SPATA13: variants seen among roughly 807,000 people sequenced by gnomAD.
The protein encoded by SPATA13 is spermatogenesis-associated protein 13.
In SPATA13, 50 loss-of-function variants were observed where a neutral mutation model predicts 104.0. The observed-to-expected ratio is 0.48, with a 90% CI of 0.38 to 0.61. The LOEUF (loss-of-function observed/expected upper bound fraction) is 0.61. Ranked by LOEUF, SPATA13 falls within the 20% of genes least tolerant of loss-of-function variation. SPATA13 has a pLI of 0.00. For missense variants in SPATA13, 1,524 were observed against 1,690.6 expected (o/e 0.90, Z 1.73); for synonymous variants, 606 against 667.5 (o/e 0.91, Z 1.42).
At chr13:24,032,459 A>G (rs1877518047) in intron 3 of SPATA13, among the ~76,000 whole-genome samples, 1 of 152,238 alleles carries the variant, frequency 6.6e-6, no homozygotes, top group African/African-American at 2.4e-5. Flanking sequence ...CATTAGGAAT[A>G]AATGGAATGT....
At chr13:24,152,614 C>T (rs2138472439) in intron 3 of SPATA13, among the ~76,000 whole-genome samples, 1 of 152,324 alleles carries the variant, frequency 6.6e-6, no homozygotes, top group South Asian at 2.1e-4. Context: ...TCTGTGTGAC[C>T]AGTGCTTTCA....
chr13:24,230,523 G>A (rs566127258), intron 2 of SPATA13, among the ~76,000 whole-genome samples: 1 of 152,294 alleles, frequency 6.6e-6, no homozygotes, highest in South Asian at 2.1e-4. Context: ...AGAACAGGAG[G>A]CAGATGCCCA....
In SPATA13 at chr13:24,224,486, G is replaced by T; in HGVS notation, c.1557G>T (p.Gln519His). ...AQREPGPVSL[Q>H]DPLEATHGDE... ...GAGAGCCAGGGCCTGTGTCCTTGCA[G>T]GATCCCCTGGAAGCCACACATGGTG... is the stretch of plus-strand genomic sequence containing the variant. Residue 519 changes from glutamine (Q) to histidine (H), a missense_variant, in exon 2 of 13, where the codon CAG becomes CAT. Transcript: ENST00000382108. 1.3e-6 allele frequency: 2 copies of T among 1,550,720 alleles called. No homozygotes were observed. The highest frequency in any genetic ancestry group is 1.2e-5 in the South Asian group (1 of 84,060).
At position 24,223,806 on chromosome 13, in the gene SPATA13, TC is replaced by T; in HGVS notation, c.879del (p.Ser294ProfsTer19). ...ARVPQRTLSS[S>X]STDSQKLGSG... ...GGTACCACAGAGGACCCTGAGCAGT[TC>T]CTCCACTGACTCCCAAAAGCTTGGG... On this transcript the variant is annotated frameshift_variant, in exon 2 of 13. Transcript: ENST00000382108. LOFTEE classifies it high-confidence loss of function. 1 of 1,551,728 alleles carries T rather than the reference TC, an allele frequency of 6.4e-7. No individual in the cohort carries two copies. The highest frequency in any genetic ancestry group is 8.7e-7 in the Non-Finnish European group (1 of 1,146,984).
At chr13:23,988,680 A>T (rs1484430674) in intron 2 of SPATA13, among the ~76,000 whole-genome samples, 3 of 152,196 alleles carry the variant, frequency 2.0e-5, no homozygotes, top group Admixed American at 6.5e-5. Context: ...ATCTTTGCTC[A>T]TCTCATGATG....
At chr13:24,072,358 T>C (rs1879193586) in intron 3 of SPATA13, among the ~76,000 whole-genome samples, 4 of 152,200 alleles carry the variant, frequency 2.6e-5, no homozygotes, top group Admixed American at 2.6e-4. Flanking sequence ...TGCAGAAAGA[T>C]AAATGGGAAA....
chr13:24,116,691 A>G (rs946092366), intron 3 of SPATA13, among the ~76,000 whole-genome samples: 1 of 152,028 alleles, frequency 6.6e-6, no homozygotes, highest in African/African-American at 2.4e-5. Flanking sequence ...AGGTCCAATC[A>G]TCTCTGCAGC....
chr13:24,058,656 T>A (rs571508693), intron 3 of SPATA13, among the ~76,000 whole-genome samples: 1 of 151,974 alleles, frequency 6.6e-6, no homozygotes, highest in Non-Finnish European at 1.5e-5. Context: ...TTCAGATAAT[T>A]TATTAGTTGC....
chr13:24,108,797 C>A (rs920910481), intron 3 of SPATA13, among the ~76,000 whole-genome samples: 4 of 152,078 alleles, frequency 2.6e-5, no homozygotes, highest in African/African-American at 9.7e-5. Flanking sequence ...GAAAGATTGG[C>A]GCCCACGTTC....
At chr13:24,107,548 T>C (rs1442616397) in intron 3 of SPATA13, among the ~76,000 whole-genome samples, 2 of 152,234 alleles carry the variant, frequency 1.3e-5, no homozygotes, top group African/African-American at 2.4e-5. Flanking sequence ...TGGACATTCA[T>C]AGAGAAAAAT....
chr13:24,072,748 C>T (rs986453267), intron 3 of SPATA13, among the ~76,000 whole-genome samples: 1 of 151,952 alleles, frequency 6.6e-6, no homozygotes, highest in Non-Finnish European at 1.5e-5. Context: ...GCCCTTGGAG[C>T]CTCTCCTCCC....
intron 2 of SPATA13, among the ~76,000 whole-genome samples, chr13:24,230,219 C>G (rs1380408171): frequency 1.3e-5 from 2 of 152,206 alleles, no homozygotes; most frequent in East Asian, 3.8e-4. Context: ...TCATGTACCT[C>G]ACCACTCAAC....
intron 3 of SPATA13, among the ~76,000 whole-genome samples, chr13:24,120,748 A>G (rs1169885590): frequency 2.0e-5 from 3 of 152,250 alleles, no homozygotes; most frequent in Non-Finnish European, 4.4e-5. Flanking sequence ...TCCTCTTTAA[A>G]AAGTCCTTGC....
intron 1 of SPATA13, among the ~76,000 whole-genome samples, chr13:24,180,445 T>C (rs180904285): frequency 2.0e-5 from 3 of 152,350 alleles, no homozygotes; most frequent in Non-Finnish European, 4.4e-5. Context: ...CAAAATTTGT[T>C]TTCTTTTCAA....
chr13:24,290,623 G>C, intron 8 of SPATA13, 29 bp from the exon 9 acceptor site: 1 of 1,581,884 alleles, frequency 6.3e-7, no homozygotes. Context: ...CACCCCAGAA[G>C]CTGACGAAGC....
intron 1 of SPATA13, among the ~76,000 whole-genome samples, chr13:24,193,013 G>A (rs531466559): frequency 6.6e-6 from 1 of 152,320 alleles, no homozygotes; most frequent in East Asian, 1.9e-4. Flanking sequence ...TTTGAGAGAA[G>A]TTGAAAGTCA....
Position 24,290,678 on chromosome 13 carries a change from G to A in SPATA13, c.2874G>A (p.Glu958=), listed in dbSNP as rs1876282985. Residue 958 remains glutamate, a synonymous_variant, in exon 9 of 13, where the codon GAG becomes GAA. Coordinates refer to ENST00000382108, the MANE Select transcript of SPATA13 (RefSeq NM_001166271.3). ...AAGAGGGCTTTGCCATCTATTCCGA[G>A]TACTGCAACAACCACCCGGGCGCCT... ...QNQEGFAIYS[E]YCNNHPGACL... 4 of 1,614,200 alleles carry A rather than the reference G, an allele frequency of 2.5e-6. No individual in the cohort carries two copies. Among genetic ancestry groups the A allele is most frequent in the Non-Finnish European group, 3.4e-6 (4 of 1,180,046 alleles).
At chr13:24,301,030 C>G (rs551497274) in intron 12 of SPATA13, among the ~76,000 whole-genome samples, 2 of 152,290 alleles carry the variant, frequency 1.3e-5, no homozygotes, top group East Asian at 3.9e-4. Context: ...CCTGGGGAAG[C>G]TGTTCAAAAA....
intron 2 of SPATA13, among the ~76,000 whole-genome samples, chr13:24,225,201 A>T (rs1871860538): frequency 6.6e-6 from 1 of 152,224 alleles, no homozygotes; most frequent in Non-Finnish European, 1.5e-5. Flanking sequence ...GCAAACCAGG[A>T]ATGGAGCAGC....
Sources: gnomAD v4.1 joint callset for allele counts (sites outside exome capture counted in the v4.1 genomes callset) on GRCh38, gnomAD v4.1.1 for gene constraint, MANE v1.5 for transcripts, NCBI Gene and HGNC (gene_info 2026-07-23, HGNC 2026-07-21) for gene names.